ART3: variants seen among roughly 807,000 people sequenced by gnomAD.
ART3 encodes ADP-ribosyltransferase 3 (inactive).
In ART3, 49 loss-of-function variants were observed where a neutral mutation model predicts 48.5. The observed-to-expected ratio is 1.01, with a 90% CI of 0.80 to 1.28. The LOEUF is 1.28. Among genes scored for constraint, ART3 ranks in the 50% most tolerant of loss-of-function variants. ART3 has a pLI of 0.00. For synonymous variants in ART3, 145 were observed against 157.2 expected, an observed-to-expected ratio of 0.92 and a Z score of 0.58; for missense variants, 438 against 454.3, an observed-to-expected ratio of 0.96 and a Z score of 0.33.
At chr4:76,106,015 G>A (rs978043054) in intron 10 of ART3, 1 of 985,308 alleles carries the variant, frequency 1.0e-6, no homozygotes, top group Non-Finnish European at 1.2e-6. Context: ...GCCCTCTCCT[G>A]GAAAGCTATG....
Position 76,112,369 on chromosome 4 carries a change from T to G in ART3, c.1037-17T>G, listed in dbSNP as rs981047285. ...ATAAAAAATGATGTGTCAGTGACTGTGTATTCTTGTTAACAGCTCCAGGTC... is the reference window on the plus strand; with the variant it reads ...ATAAAAAATGATGTGTCAGTGACTGGGTATTCTTGTTAACAGCTCCAGGTC... On this transcript the variant is annotated splice_polypyrimidine_tract_variant and intron_variant, in intron 11 of 11. Coordinates refer to ENST00000355810, the MANE Select transcript of ART3 (RefSeq NM_001130016.3). 1 of 1,610,458 alleles carries G rather than the reference T, an allele frequency of 6.2e-7. No individual in the cohort carries two copies. Among genetic ancestry groups the G allele is most frequent in the African/African-American group, 1.3e-5 (1 of 74,506 alleles).
intron 1 of ART3, chr4:76,023,360 A>G (rs2149377418): frequency 6.2e-7 from 1 of 1,600,276 alleles, no homozygotes; most frequent in Non-Finnish European, 8.6e-7. Context: ...GTATCCTTTG[A>G]TGTTCCTTAC....
At chr4:76,108,265 G>C (rs755169033) in intron 11 of ART3, among the ~76,000 whole-genome samples, 4 of 152,010 alleles carry the variant, frequency 2.6e-5, no homozygotes, top group Non-Finnish European at 4.4e-5. Flanking sequence ...ATAAATTTGG[G>C]TTGAAGAGAA....
At chr4:76,042,548 G>T (rs1240757275) in intron 1 of ART3, among the ~76,000 whole-genome samples, 1 of 152,176 alleles carries the variant, frequency 6.6e-6, no homozygotes, top group Non-Finnish European at 1.5e-5. Flanking sequence ...CAGAATTGGT[G>T]GGTTCTTGGT....
At position 76,112,615 on chromosome 4, in the gene ART3, CAA is replaced by C. The variant is rs1032846564; in HGVS notation, c.*98_*99del. 1.5e-4 allele frequency: 195 copies of C among 1,329,700 alleles called. No homozygotes were observed. The highest frequency in any genetic ancestry group is 8.2e-4 in the African/African-American group (55 of 67,232). 82.4% of individuals were successfully genotyped at this position (1,329,700 alleles called of 1,614,324 possible). ...AATGATGTATTTTTTACGTGTTGGC[CAA>C]AGTCACTGGATAAAATGAGAATTGT... On this transcript the variant is annotated 3_prime_UTR_variant, in exon 12 of 12. Transcript: ENST00000355810.
chr4:76,072,780 A>T (rs974396731), upstream of ART3, among the ~76,000 whole-genome samples: 1 of 151,890 alleles, frequency 6.6e-6, no homozygotes, highest in Non-Finnish European at 1.5e-5. Flanking sequence ...TACTACTCTA[A>T]TGTTCCAACC....
rs1253537241 is a variant in ART3 at position 76,100,738 on chromosome 4, A to G, written c.878-57A>G. ...CAAATAATTTTGCTGTAGCTGTAGT[A>G]ACTGCCAATTCTTTTGTTCCTTCGT... On this transcript the variant is annotated intron_variant, in intron 6 of 11. Coordinates refer to ENST00000355810, the MANE Select transcript of ART3 (RefSeq NM_001130016.3). 1.9e-6 allele frequency: 3 copies of G among 1,582,280 alleles called. No homozygotes were observed. In the African/African-American group the frequency reaches 4.1e-5, roughly 22 times the overall value.
At chr4:76,071,498 C>A (rs915023873), upstream of ART3, among the ~76,000 whole-genome samples, 4 of 152,152 alleles carry the variant, frequency 2.6e-5, no homozygotes, top group African/African-American at 7.2e-5. Flanking sequence ...TATTAACCAT[C>A]TCCAATGTCT....
At chr4:76,025,115 A>G (rs954476514) in intron 1 of ART3, among the ~76,000 whole-genome samples, 4 of 152,212 alleles carry the variant, frequency 2.6e-5, no homozygotes, top group African/African-American at 9.6e-5. Flanking sequence ...GAGGTGAGGT[A>G]GAGACTGACA....
intron 2 of ART3, among the ~76,000 whole-genome samples, chr4:76,079,017 C>T (rs541505924): frequency 6.6e-6 from 1 of 152,014 alleles, no homozygotes; most frequent in Non-Finnish European, 1.5e-5. Flanking sequence ...GCAGGCGGAG[C>T]TTGCAGTGAG....
chr4:76,066,798 G>C (rs73825730), intron 1 of ART3, among the ~76,000 whole-genome samples: 3,966 of 152,186 alleles, frequency 0.026, 167 homozygotes, highest in African/African-American at 0.088. Context: ...CCCCTTCCAC[G>C]TGGGACTCTG....
chr4:76,097,819 G>C, intron 4 of ART3, 143 bp downstream of exon 4: 1 of 687,148 alleles, frequency 1.5e-6, no homozygotes, highest in Non-Finnish European at 2.5e-6. Flanking sequence ...ACTACTGCTA[G>C]TACCTTTTCA....
intron 1 of ART3, among the ~76,000 whole-genome samples, chr4:76,054,161 A>G (rs1014204247): frequency 2.6e-5 from 4 of 152,222 alleles, no homozygotes; most frequent in African/African-American, 9.6e-5. Flanking sequence ...AGAGGAGAAA[A>G]TAGATCTGGT....
chr4:76,022,606 CTGATCT>C, intron 1 of ART3: 17 of 1,447,442 alleles, frequency 1.2e-5, no homozygotes, highest in Non-Finnish European at 1.6e-5. Flanking sequence ...AAACCCTTTA[CTGATCT>C]TTTTTTATTA....
chr4:76,100,651 C>A (rs1008640983), intron 6 of ART3, 144 bp from the exon 7 acceptor site: 5 of 734,924 alleles, frequency 6.8e-6, no homozygotes, highest in Non-Finnish European at 1.1e-5. Flanking sequence ...AAAAAAAATT[C>A]TGGGGGCTTG....
chr4:76,050,605 C>T (rs576465144), intron 1 of ART3, among the ~76,000 whole-genome samples: 6 of 152,344 alleles, frequency 3.9e-5, no homozygotes, highest in East Asian at 1.9e-4. Context: ...CAGTGGATCC[C>T]GCACCAGGGC....
upstream of ART3, among the ~76,000 whole-genome samples, chr4:76,074,348 T>G (rs1248575769): frequency 6.6e-6 from 1 of 152,210 alleles, no homozygotes; most frequent in Non-Finnish European, 1.5e-5. Context: ...GAGCGAATGG[T>G]GATAGCTGTC....
chr4:76,088,126 A>G (rs1724010112), intron 3 of ART3, among the ~76,000 whole-genome samples: 1 of 152,188 alleles, frequency 6.6e-6, no homozygotes, highest in African/African-American at 2.4e-5. Context: ...TGAATTATAA[A>G]TACCTGGTGG....
At chr4:76,069,390 T>A (rs571916104) in intron 1 of ART3, among the ~76,000 whole-genome samples, 5 of 88,232 alleles carry the variant, frequency 5.7e-5, no homozygotes, top group Non-Finnish European at 8.2e-5. Flanking sequence ...TAATTCCTTT[T>A]TTTTTTTTTT....
Sources: gnomAD v4.1 joint callset for allele counts (sites outside exome capture counted in the v4.1 genomes callset) on GRCh38, gnomAD v4.1.1 for gene constraint, MANE v1.5 for transcripts, NCBI Gene and HGNC (gene_info 2026-07-23, HGNC 2026-07-21) for gene names.